Variants in NUP160 observed in about 807,000 individuals in gnomAD.
NUP160 encodes the protein nucleoporin 160.
A neutral mutation model predicts 196.9 loss-of-function variants in NUP160; 94 were observed. That is an observed-to-expected ratio of 0.48 (90% CI 0.40 to 0.57). The LOEUF is 0.57. Ranked by LOEUF, NUP160 falls within the 20% of genes least tolerant of loss-of-function variation. The probability of loss-of-function intolerance (pLI) is 0.00; values close to 1 mark genes in which losing one functional copy is unlikely to be tolerated. For synonymous variants in NUP160, 605 were observed against 619.7 expected, an observed-to-expected ratio of 0.98 and a Z score of 0.35; for missense variants, 1,638 against 1,748.3, an observed-to-expected ratio of 0.94 and a Z score of 1.13.
At chr11:47,813,206 TAA>T in intron 14 of NUP160, 108 bp downstream of exon 14, 1 of 1,010,358 alleles carries the variant, frequency 9.9e-7, no homozygotes. Flanking sequence ...TGTGGTGTGG[TAA>T]AGTGACCAAG....
At chr11:47,788,699 TTAAG>T (rs1370279085) in intron 29 of NUP160, 88 bp from the exon 30 acceptor site, 2 of 755,126 alleles carry the variant, frequency 2.6e-6, no homozygotes, top group Non-Finnish European at 4.5e-6. Flanking sequence ...CCACTGAACA[TTAAG>T]TAACATTCAA....
Position 47,819,916 on chromosome 11 carries a change from G to T in NUP160, c.1278-458C>A, listed in dbSNP as rs777212954. On this transcript the variant is annotated intron_variant, in intron 9 of 35. Transcript: ENST00000378460. Reference sequence around the variant, plus strand: ...TGAGGCTGAGGGTATATCACAGCTAGTAAGTTGCACAACTAGGATTCCAAC... The same window carrying T: ...TGAGGCTGAGGGTATATCACAGCTATTAAGTTGCACAACTAGGATTCCAAC... Among the ~76,000 whole-genome samples the T allele has an allele frequency of 6.4e-4, 97 of 152,220 alleles. 1 individual carries two copies. Among genetic ancestry groups the T allele is most frequent in the Non-Finnish European group, 2.9e-4 (20 of 68,046 alleles).
At chr11:47,846,309 A>C (rs1354871989) in intron 2 of NUP160, among the ~76,000 whole-genome samples, 5 of 152,160 alleles carry the variant, frequency 3.3e-5, no homozygotes, top group African/African-American at 1.2e-4. Flanking sequence ...TTGTATCTCT[A>C]ACATAAAGTC....
rs1056578639 is a variant in NUP160 at position 47,848,032 on chromosome 11, CAG to C, written c.203-75_203-74del. ...ACAGGGACTAAGGGAGCTGACAAAG[CAG>C]AGAGTGACAGACTGACAACCCATAC... On this transcript the variant is annotated intron_variant, in intron 1 of 35. Coordinates refer to ENST00000378460, the Ensembl canonical transcript of NUP160. 19 of 1,318,376 alleles carry C rather than the reference CAG, an allele frequency of 1.4e-5. No individual in the cohort carries two copies. The African/African-American group carries it at 1.7e-4, about 12-fold the overall frequency. 81.7% of individuals were successfully genotyped at this position (1,318,376 alleles called of 1,614,324 possible).
At chr11:47,801,891 T>C in exon 23 of NUP160, 1 of 1,613,944 alleles carries the variant, frequency 6.2e-7, no homozygotes, top group South Asian at 1.1e-5. Flanking sequence ...AATTCCTCTT[T>C]GCCTACTTCA....
chr11:47,779,233 A>C, intron 35 of NUP160, 39 bp from the exon 36 acceptor site: 112 of 1,293,900 alleles, frequency 8.7e-5, no homozygotes, highest in Non-Finnish European at 1.1e-4. Flanking sequence ...ATAACAGCTC[A>C]ACAATGGAAA....
intron 32 of NUP160, among the ~76,000 whole-genome samples, chr11:47,785,558 C>T (rs2097664056): frequency 6.6e-6 from 1 of 152,152 alleles, no homozygotes; most frequent in Admixed American, 6.5e-5. Flanking sequence ...TCGTATATTC[C>T]TCTCCCACTA....
Position 47,840,763 on chromosome 11 carries a change from T to C in NUP160, c.315-175A>G, listed in dbSNP as rs536932016. ...TTATGTACATTTATAAAAAACAGCA[T>C]AACAAAATCCAAATTTCACTGTGAT... On this transcript the variant is annotated intron_variant, in intron 2 of 35. Transcript: ENST00000378460. Among the ~76,000 whole-genome samples, 6 of 152,326 alleles carry C rather than the reference T, an allele frequency of 3.9e-5. No individual in the cohort carries two copies. The South Asian group carries it at 1.2e-3, about 32-fold the overall frequency.
exon 21 of NUP160, chr11:47,804,587 C>G: frequency 6.5e-7 from 1 of 1,533,532 alleles, no homozygotes; most frequent in Non-Finnish European, 8.7e-7. Context: ...ATCAAACATT[C>G]TAGAAAGAGA....
At chr11:47,825,263 C>A (rs1280405885) in intron 7 of NUP160, among the ~76,000 whole-genome samples, 1 of 151,808 alleles carries the variant, frequency 6.6e-6, no homozygotes, top group East Asian at 1.9e-4. Context: ...AGTTACAGTG[C>A]CTGGCTTGAT....
chr11:47,788,972 G>C (rs995703011), intron 29 of NUP160, among the ~76,000 whole-genome samples: 1 of 151,772 alleles, frequency 6.6e-6, no homozygotes, highest in Non-Finnish European at 1.5e-5. Flanking sequence ...CGCCTCTTGG[G>C]TTCATGTGAT....
At chr11:47,834,192 G>C (rs559186381) in intron 7 of NUP160, among the ~76,000 whole-genome samples, 1 of 152,086 alleles carries the variant, frequency 6.6e-6, no homozygotes, top group South Asian at 2.1e-4. Context: ...TGCAGTTCTC[G>C]GTAAGAGTAT....
At position 47,801,725 on chromosome 11, in the gene NUP160, T is replaced by A; in HGVS notation, c.2895+86A>T. 2.4e-6 allele frequency: 3 copies of A among 1,253,390 alleles called. No individual in the cohort carries two copies. In the South Asian group the frequency reaches 4.3e-5, roughly 18 times the overall value. 77.6% of individuals were successfully genotyped at this position (1,253,390 alleles called of 1,614,324 possible). ...TCAGGGAGCAACTGAATTTTTATAG[T>A]ATTTTTCTCCAAAAATAGCAAAGCA... On this transcript the variant is annotated intron_variant, in intron 23 of 35. Transcript: ENST00000378460.
chr11:47,825,218 C>T lies in NUP160; in HGVS notation c.1102-3054G>A, dbSNP rs535596446. On this transcript the variant is annotated intron_variant, in intron 7 of 35. Transcript: ENST00000378460. ...CTCCTGGTATCAAGTGATCCTTCTG[C>T]CTTGGCCTCCCAAATTGCTGGGACT... Among the ~76,000 whole-genome samples the T allele has an allele frequency of 5.3e-5, 8 of 152,274 alleles. No homozygotes were observed. The East Asian group carries it at 1.3e-3, about 26-fold the overall frequency.
chr11:47,797,675 A>C, intron 27 of NUP160, 104 bp downstream of exon 27: 1 of 764,408 alleles, frequency 1.3e-6, no homozygotes, highest in South Asian at 1.6e-5. Context: ...TCTTGTACTT[A>C]AACACATATT....
At chr11:47,845,245 A>G (rs942955266) in intron 2 of NUP160, among the ~76,000 whole-genome samples, 1 of 152,058 alleles carries the variant, frequency 6.6e-6, no homozygotes, top group African/African-American at 2.4e-5. Flanking sequence ...GGTTCAAGCT[A>G]TTCTCCTGCC....
Position 47,848,382 on chromosome 11 carries a change from C to CG in NUP160, c.38dup (p.Glu14GlyfsTer39). 6.2e-7 allele frequency: 1 copy of CG among 1,606,112 alleles called. No homozygotes were observed. The highest frequency in any genetic ancestry group is 8.5e-7 in the Non-Finnish European group (1 of 1,176,836). On this transcript the variant is annotated frameshift_variant, in exon 1 of 36. Coordinates refer to ENST00000378460, the Ensembl canonical transcript of NUP160. LOFTEE classifies it high-confidence loss of function. The stretch of plus-strand genomic sequence containing the variant: ...AGGGCCGCGCGGTCGCCGTCACTTC[C>CG]GGGGGTGGGGCGGGCGGAGCTGCGG...
At chr11:47,805,369 G>C (rs550568811) in intron 20 of NUP160, among the ~76,000 whole-genome samples, 3 of 151,824 alleles carry the variant, frequency 2.0e-5, no homozygotes, top group Non-Finnish European at 4.4e-5. Context: ...GGCCTCAAGT[G>C]ATCTGCCCGC....
chr11:47,794,703 T>C (rs186747807), intron 27 of NUP160, among the ~76,000 whole-genome samples: 101 of 149,870 alleles, frequency 6.7e-4, no homozygotes, highest in Non-Finnish European at 1.2e-3. Flanking sequence ...AGGTCAGGAG[T>C]TCAAGACCAG....
Sources: gnomAD v4.1 joint callset for allele counts (sites outside exome capture counted in the v4.1 genomes callset) on GRCh38, gnomAD v4.1.1 for gene constraint, MANE v1.5 for transcripts, NCBI Gene and HGNC (gene_info 2026-07-23, HGNC 2026-07-21) for gene names.